Variants in MECR observed in about 807,000 individuals in gnomAD.
MECR encodes the protein mitochondrial trans-2-enoyl-CoA reductase, also known as enoyl-[acyl-carrier-protein] reductase, mitochondrial.
Under a neutral mutation model 49.1 loss-of-function variants are expected in MECR, and 37 were observed. The ratio of observed to expected loss-of-function variants is 0.75; its 90% CI spans 0.58 to 0.99. The LOEUF (loss-of-function observed/expected upper bound fraction) is 0.99. Ranked by LOEUF, MECR falls within the 50% of genes least tolerant of loss-of-function variation. The pLI, the probability that MECR is intolerant of heterozygous loss-of-function variation, is 0.00. For missense variants in MECR, 470 were observed against 479.6 expected (o/e 0.98, Z 0.19); for synonymous variants, 198 against 191.1 (o/e 1.04, Z -0.30).
the MECR span, among the ~76,000 whole-genome samples, chr1:29,186,287 G>T: frequency 6.6e-6 from 1 of 152,198 alleles, no homozygotes; most frequent in Non-Finnish European, 1.5e-5. Flanking sequence ...TCATCAGACT[G>T]TTCACAGTCA....
chr1:29,205,838 G>A (rs979162004), intron 4 of MECR, among the ~76,000 whole-genome samples: 3 of 152,050 alleles, frequency 2.0e-5, no homozygotes, highest in African/African-American at 7.2e-5. Flanking sequence ...AACAGCCGGA[G>A]CAGTAGTTGC....
chr1:29,187,191 C>A, the MECR span, among the ~76,000 whole-genome samples: 2 of 152,274 alleles, frequency 1.3e-5, no homozygotes, highest in Admixed American at 6.5e-5. Context: ...TACAGCCTGG[C>A]ACACACAGGT....
At chr1:29,172,156 A>G in the MECR span, 1 of 152,216 alleles carries the variant, frequency 6.6e-6, no homozygotes, top group African/African-American at 2.4e-5. Flanking sequence ...ATAAAAAAAA[A>G]TTTGATCACA....
At chr1:29,188,648 C>CT (rs35238492), downstream of MECR, among the ~76,000 whole-genome samples, 44,957 of 149,210 alleles carry the variant, frequency 0.3, 7,003 homozygotes, top group Middle Eastern at 0.38. Flanking sequence ...GCCTATTTGT[C>CT]TTTTTTTTTT....
At chr1:29,212,125 A>T (rs1299135507) in intron 3 of MECR, among the ~76,000 whole-genome samples, 8 of 152,090 alleles carry the variant, frequency 5.3e-5, no homozygotes, top group Admixed American at 5.2e-4. Flanking sequence ...TGCTTAAAAG[A>T]CTCACCTGCT....
intron 7 of MECR, among the ~76,000 whole-genome samples, chr1:29,198,369 T>C (rs1238910643): frequency 6.6e-6 from 1 of 152,238 alleles, no homozygotes; most frequent in East Asian, 1.9e-4. Flanking sequence ...TTTTCACGTA[T>C]TGCCTAACTT....
chr1:29,212,260 A>G (rs1209206219), intron 3 of MECR, among the ~76,000 whole-genome samples: 6 of 152,190 alleles, frequency 3.9e-5, no homozygotes, highest in Admixed American at 2.6e-4. Context: ...CTCTACTAAA[A>G]GTACAAAAAT....
chr1:29,230,040 T>C (rs1000813319), intron 1 of MECR, among the ~76,000 whole-genome samples: 2 of 152,224 alleles, frequency 1.3e-5, no homozygotes, highest in East Asian at 1.9e-4. Flanking sequence ...ATATAGATAC[T>C]TGGGTCTGTA....
intron 4 of MECR, among the ~76,000 whole-genome samples, chr1:29,205,673 T>C (rs1055969233): frequency 4.4e-4 from 67 of 151,624 alleles, no homozygotes; most frequent in African/African-American, 1.6e-3. Context: ...CTACTAAAAA[T>C]ACAAAAATTA....
At chr1:29,219,112 G>A (rs1680162247) in intron 1 of MECR, among the ~76,000 whole-genome samples, 1 of 152,196 alleles carries the variant, frequency 6.6e-6, no homozygotes, top group Non-Finnish European at 1.5e-5. Flanking sequence ...GCCTTATGGG[G>A]AGATGGAGGG....
At chr1:29,216,816 T>C in intron 1 of MECR, 131 bp from the exon 2 acceptor site, 1 of 1,524,488 alleles carries the variant, frequency 6.6e-7, no homozygotes, top group Non-Finnish European at 8.8e-7. Context: ...TACGGTTCTG[T>C]TATAAAAGAG....
chr1:29,206,605 ATCTT>A (rs1235142188), intron 4 of MECR, among the ~76,000 whole-genome samples, 153 bp downstream of exon 4: 1 of 152,192 alleles, frequency 6.6e-6, no homozygotes, highest in African/African-American at 2.4e-5. Flanking sequence ...CCAAGCTAAC[ATCTT>A]TCTAAGTGAA....
intron 6 of MECR, among the ~76,000 whole-genome samples, chr1:29,200,832 A>G (rs1224739466): frequency 1.3e-5 from 2 of 151,916 alleles, no homozygotes; most frequent in Non-Finnish European, 2.9e-5. Flanking sequence ...TCTGTTACCC[A>G]GGCTGGAGTG....
chr1:29,203,162 C>T lies in MECR; in HGVS notation c.622G>A (p.Gly208Ser). 6.3e-7 allele frequency: 1 copy of T among 1,583,474 alleles called. No homozygotes were observed. The highest frequency in any genetic ancestry group is 8.6e-7 in the Non-Finnish European group (1 of 1,161,206). ...CGGACCACATTGATGGTTCTTAGGC[C>T]CAGGGCTGCGGCGATCTGGATGACT... Reference protein sequence around the residue: ...QAVIQIAAALGLRTINVVRDR... With the variant: ...QAVIQIAAALSLRTINVVRDR... The change falls in exon 5 of 10, where the codon GGC becomes AGC. Residue 208 changes from glycine to serine, a missense_variant. Transcript: ENST00000263702.
At chr1:29,228,502 C>A (rs904121681) in intron 1 of MECR, among the ~76,000 whole-genome samples, 2 of 151,944 alleles carry the variant, frequency 1.3e-5, no homozygotes, top group African/African-American at 4.8e-5. Context: ...CAGGCTTGCA[C>A]CCCCATGCCC....
the MECR span, among the ~76,000 whole-genome samples, chr1:29,178,359 T>TTTTTTTTTTG: frequency 6.7e-6 from 1 of 148,854 alleles, no homozygotes; most frequent in Non-Finnish European, 1.5e-5. Context: ...ATTACTTTTT[T>TTTTTTTTTTG]TTTTGAGACA....
chr1:29,201,531 T>C lies in MECR; in HGVS notation c.756+412A>G, dbSNP rs761951620. The C allele has an allele frequency of 4.3e-5, 20 of 460,842 alleles. No homozygotes were observed. In the East Asian group the frequency reaches 5.4e-4, roughly 12 times the overall value. 28.5% of individuals were successfully genotyped at this position (460,842 alleles called of 1,614,324 possible). On this transcript the variant is annotated intron_variant, in intron 6 of 9. Transcript: ENST00000263702. This position sits in a 1 kb window ranked among gnomAD's most constrained non-coding sequence, Gnocchi z 4.3. ...TTAGTTTCCTAATCTGTAAAACAGA[T>C]AACAGTTCCTTTGAAAAGCTTTTGT...
chr1:29,177,668 A>T, the MECR span, among the ~76,000 whole-genome samples: 1 of 152,034 alleles, frequency 6.6e-6, no homozygotes, highest in African/African-American at 2.4e-5. Context: ...ATCCTGGGAG[A>T]TCTTCGTTGT....
rs113047520 is a variant in MECR, at chr1:29,202,987, T to C, written c.653+144A>G. 78 of 616,664 alleles carry C rather than the reference T, an allele frequency of 1.3e-4. No homozygotes were observed. The Middle Eastern group carries it at 1.8e-3, about 14-fold the overall frequency. The allele number at this position is 616,664 out of a possible 1,614,324, so 38.2% of individuals were successfully genotyped here. A position where few individuals can be genotyped will look rare whatever the true frequency, so the allele number is the denominator to read the frequency against. On this transcript the variant is annotated intron_variant, in intron 5 of 9. Transcript: ENST00000263702. ...TCATTTCTTAGGACTGACTCATCTG[T>C]TTCAGCCGCCAACTGTTAGCGATGC... is the stretch of plus-strand genomic sequence containing the variant.
Sources: gnomAD v4.1 joint callset for allele counts (sites outside exome capture counted in the v4.1 genomes callset) on GRCh38, gnomAD v4.1.1 for gene constraint, Gnocchi (gnomAD v3.1) non-coding constraint, MANE v1.5 for transcripts, NCBI Gene and HGNC (gene_info 2026-07-23, HGNC 2026-07-21) for gene names.